Variants in NIBAN2 observed in about 807,000 individuals in gnomAD.
NIBAN2 encodes protein Niban 2.
A neutral mutation model predicts 81.8 loss-of-function variants in NIBAN2; 36 were observed. The ratio of observed to expected loss-of-function variants is 0.44; its 90% confidence interval spans 0.34 to 0.58. The LOEUF (loss-of-function observed/expected upper bound fraction) is 0.58. Among genes scored for constraint, NIBAN2 ranks in the 20% least tolerant of loss-of-function variants. The probability of loss-of-function intolerance (pLI) is 0.02; values close to 1 mark genes in which losing one functional copy is unlikely to be tolerated. For missense variants in NIBAN2, 897 were observed against 1,014.1 expected, an observed-to-expected ratio of 0.88 and a Z score of 1.57; for synonymous variants, 445 against 441.6, an observed-to-expected ratio of 1.01 and a Z score of -0.10.
chr9:127,568,813 C>A lies in NIBAN2; in HGVS notation c.55+7G>T. 1 of 1,347,436 alleles carries A rather than the reference C, an allele frequency of 7.4e-7. No individual in the cohort carries two copies. Among genetic ancestry groups the A allele is most frequent in the Non-Finnish European group, 9.6e-7 (1 of 1,045,212 alleles). The allele number at this position is 1,347,436 out of a possible 1,614,324, so 83.5% of individuals were successfully genotyped here. A position where few individuals can be genotyped will look rare whatever the true frequency, so the allele number is the denominator to read the frequency against. Reference sequence around the variant, plus strand: ...CCTGGGCGCGCGTGGCGCGGCGCGACCCTCACCTGCGATGTGCTGGCGCCG... The same window carrying A: ...CCTGGGCGCGCGTGGCGCGGCGCGAACCTCACCTGCGATGTGCTGGCGCCG... On this transcript the variant is annotated splice_region_variant and intron_variant, in intron 1 of 13. Transcript: ENST00000373312.
At chr9:127,572,065 C>G (rs996868533), upstream of NIBAN2, among the ~76,000 whole-genome samples, 1 of 152,196 alleles carries the variant, frequency 6.6e-6, no homozygotes, top group Non-Finnish European at 1.5e-5. Flanking sequence ...GACAAGGTCT[C>G]TCTGTGTCGC....
chr9:127,569,920 C>T (rs2132245074), upstream of NIBAN2, among the ~76,000 whole-genome samples: 1 of 152,306 alleles, frequency 6.6e-6, no homozygotes, highest in Non-Finnish European at 1.5e-5. Context: ...GACCGACAGG[C>T]ACCAGCCTAT....
intron 1 of NIBAN2, among the ~76,000 whole-genome samples, chr9:127,539,820 C>A (rs181880417): frequency 6.6e-6 from 1 of 152,228 alleles, no homozygotes. Flanking sequence ...GCAAACAGGG[C>A]ACCATTTCTA....
At chr9:127,531,051 G>T (rs952262296) in intron 2 of NIBAN2, among the ~76,000 whole-genome samples, 1 of 151,916 alleles carries the variant, frequency 6.6e-6, no homozygotes, top group Non-Finnish European at 1.5e-5. Context: ...GTGATGGTGT[G>T]CACCTGTAGT....
rs1388989385 is a variant in NIBAN2 at position 127,508,183 on chromosome 9, G to A, written c.1452C>T (p.Ser484=). Residue 484 remains serine (S), a synonymous_variant, in exon 12 of 14, where the codon AGC becomes AGT. Transcript: ENST00000373312. The surrounding 1 kb of genome is among the most constrained non-coding windows in gnomAD (Gnocchi z 6.4). ...GGAAGAACCTCTTCCGCACAGAGCT[G>A]CTGTCGTAGTCGTATTTCTGCAGGG... The part of the protein sequence containing the change: ...ERVLKKYDYD[S]SSVRKRFFRE... The A allele has an allele frequency of 3.7e-6, 6 of 1,613,360 alleles. No homozygotes were observed. The African/African-American group carries it at 5.3e-5, about 14-fold the overall frequency.
At chr9:127,546,537 C>T (rs1452587516) in intron 1 of NIBAN2, among the ~76,000 whole-genome samples, 1 of 152,184 alleles carries the variant, frequency 6.6e-6, no homozygotes, top group Non-Finnish European at 1.5e-5. Context: ...CAAGCCCTTC[C>T]CCCAAGATGT....
intron 1 of NIBAN2, among the ~76,000 whole-genome samples, chr9:127,543,700 T>A (rs975178609): frequency 2.4e-4 from 36 of 152,300 alleles, no homozygotes; most frequent in African/African-American, 8.2e-4. Flanking sequence ...CACATCTTCA[T>A]CCATGTTGTG....
At chr9:127,549,950 C>T (rs930873188) in intron 1 of NIBAN2, among the ~76,000 whole-genome samples, 13 of 152,144 alleles carry the variant, frequency 8.5e-5, no homozygotes, top group African/African-American at 3.1e-4. Flanking sequence ...GTCCCAGGTG[C>T]CTGCGTGACC....
Position 127,536,465 on chromosome 9 carries a change from A to G in NIBAN2, c.56-4687T>C, listed in dbSNP as rs1353535721. On this transcript the variant is annotated intron_variant, in intron 1 of 13. Transcript: ENST00000373312. The surrounding 1 kb of genome is among the most constrained non-coding windows in gnomAD (Gnocchi z 4.0). ...CCCACTTTTCCTTCTTGCTCCCTGC[A>G]GTGGCTCTCCCCCGGCATTGTTGCT... is the stretch of plus-strand genomic sequence containing the variant. Among the ~76,000 whole-genome samples, 1 of 152,226 alleles carries G rather than the reference A, an allele frequency of 6.6e-6. No individual in the cohort carries two copies. Among genetic ancestry groups the G allele is most frequent in the Non-Finnish European group, 1.5e-5 (1 of 68,034 alleles).
At chr9:127,534,955 C>A (rs577130922) in intron 1 of NIBAN2, among the ~76,000 whole-genome samples, 1 of 152,162 alleles carries the variant, frequency 6.6e-6, no homozygotes, top group African/African-American at 2.4e-5. Context: ...ACCCGTGCTA[C>A]GGCAGGTTTT....
chr9:127,511,104 G>A (rs1227397441), intron 8 of NIBAN2, among the ~76,000 whole-genome samples: 1 of 152,086 alleles, frequency 6.6e-6, no homozygotes, highest in Non-Finnish European at 1.5e-5. Context: ...GAATGTAATG[G>A]CACGATCTCA....
chr9:127,535,130 C>T (rs2247361), intron 1 of NIBAN2, among the ~76,000 whole-genome samples: 93,382 of 152,116 alleles, frequency 0.61, 29,785 homozygotes, highest in Middle Eastern at 0.75. Flanking sequence ...TTCCTTTGGC[C>T]GTGGCTCCAG....
chr9:127,533,112 C>T (rs141734832), intron 1 of NIBAN2, among the ~76,000 whole-genome samples: 5 of 151,398 alleles, frequency 3.3e-5, no homozygotes, highest in South Asian at 4.2e-4. Context: ...GAACCAAGAT[C>T]GTACCACTAC....
At chr9:127,556,344 C>T (rs1446008857) in intron 1 of NIBAN2, among the ~76,000 whole-genome samples, 1 of 152,052 alleles carries the variant, frequency 6.6e-6, no homozygotes, top group Admixed American at 6.5e-5. Flanking sequence ...CTGCCCTGCC[C>T]CTCTGTAACC....
Position 127,545,144 on chromosome 9 carries a change from T to A in NIBAN2, c.56-13366A>T, listed in dbSNP as rs1837447746. ...GGAAATCTGGCCTCTGGCCTTGGGG[T>A]CCCACGTCTACAGTGCCCTCCTAGC... On this transcript the variant is annotated intron_variant, in intron 1 of 13. Coordinates refer to ENST00000373312, the MANE Select transcript of NIBAN2 (RefSeq NM_022833.4). The surrounding 1 kb of genome is among the most constrained non-coding windows in gnomAD (Gnocchi z 4.7). Among the ~76,000 whole-genome samples, 1 of 151,968 alleles carries A rather than the reference T, an allele frequency of 6.6e-6. No individual in the cohort carries two copies. Among genetic ancestry groups the A allele is most frequent in the Non-Finnish European group, 1.5e-5 (1 of 67,980 alleles).
chr9:127,553,848 T>G (rs1174729901), intron 1 of NIBAN2, among the ~76,000 whole-genome samples: 2 of 152,164 alleles, frequency 1.3e-5, no homozygotes, highest in Non-Finnish European at 1.5e-5. Flanking sequence ...CCAGAGTAGC[T>G]GGGACTATAG....
intron 1 of NIBAN2, among the ~76,000 whole-genome samples, chr9:127,548,961 T>C (rs1261286584): frequency 6.6e-6 from 1 of 151,832 alleles, no homozygotes; most frequent in African/African-American, 2.4e-5. Context: ...CCCTGGCGGG[T>C]AGGGAAGGCC....
In NIBAN2 at chr9:127,545,982, C is replaced by A. The variant is rs930988027; in HGVS notation, c.56-14204G>T. On this transcript the variant is annotated intron_variant, in intron 1 of 13. Coordinates refer to ENST00000373312, the MANE Select transcript of NIBAN2 (RefSeq NM_022833.4). This position sits in a 1 kb window ranked among gnomAD's most constrained non-coding sequence, Gnocchi z 4.7. Reference sequence around the variant, plus strand: ...CCTGCCGTCTGGGAACACAGATCCTCGCTGGGAGGGCAGCCCAGGGGGTGC... The same window carrying A: ...CCTGCCGTCTGGGAACACAGATCCTAGCTGGGAGGGCAGCCCAGGGGGTGC... Among the ~76,000 whole-genome samples, 7 of 152,168 alleles carry A rather than the reference C, an allele frequency of 4.6e-5. No individual in the cohort carries two copies. The highest frequency in any genetic ancestry group is 1.4e-4 in the African/African-American group (6 of 41,446).
intron 1 of NIBAN2, among the ~76,000 whole-genome samples, chr9:127,535,365 G>T (rs145296263): frequency 6.6e-6 from 1 of 152,366 alleles, no homozygotes; most frequent in African/African-American, 2.4e-5. Flanking sequence ...CCCTGGGCTG[G>T]GCTGGGGAGG....
Sources: gnomAD v4.1 joint callset for allele counts (sites outside exome capture counted in the v4.1 genomes callset) on GRCh38, gnomAD v4.1.1 for gene constraint, Gnocchi (gnomAD v3.1) non-coding constraint, MANE v1.5 for transcripts, NCBI Gene and HGNC (gene_info 2026-07-23, HGNC 2026-07-21) for gene names.